The following PDZD2 variants were observed in gnomAD, a reference collection of about 807,000 sequenced individuals.
PDZD2 encodes the protein PDZ domain-containing protein 2.
PDZD2 carries 90 observed loss-of-function variants against 220.7 expected under a neutral mutation model. The observed-to-expected ratio is 0.41, with a 90% CI of 0.34 to 0.49. PDZD2 has a LOEUF of 0.49. Among genes scored for constraint, PDZD2 ranks in the 20% least tolerant of loss-of-function variants. The probability of loss-of-function intolerance (pLI) is 0.28; values close to 1 mark genes in which losing one functional copy is unlikely to be tolerated. For missense variants in PDZD2, 3,174 were observed against 3,608.5 expected (o/e 0.88, Z 3.08); for synonymous variants, 1,375 against 1,450.5 (o/e 0.95, Z 1.18).
rs1243197937 is a variant in PDZD2, at chr5:32,092,913, T to G, written c.7734T>G (p.Asp2578Glu). ...PFRRSWSVNL[D>E]QLLVSAGDQQ... is the part of the protein sequence containing the mutation. ...ATATATTTATATTATTTAGTTTGGA[T>G]CAACTTCTAGTCTCAGCGGGGGACC... The change falls in exon 21 of 25, where the codon GAT becomes GAG. Residue 2578 changes from aspartate to glutamate, a missense_variant. Physicochemically the swap from Asp to Glu is conservative, Grantham distance 45 (BLOSUM62 2). This residue lies in a region of PDZD2 where 631 missense variants were observed against 789.9 expected (regional missense o/e 0.80). Transcript: ENST00000438447. 2.0e-6 allele frequency: 3 copies of G among 1,529,818 alleles called. No individual in the cohort carries two copies. The highest frequency in any genetic ancestry group is 2.7e-6 in the Non-Finnish European group (3 of 1,109,718). The allele number at this position is 1,529,818 out of a possible 1,614,324, so 94.8% of individuals were successfully genotyped here.
chr5:32,032,441 C>T (rs182639142), intron 6 of PDZD2, among the ~76,000 whole-genome samples: 1 of 152,280 alleles, frequency 6.6e-6, no homozygotes, highest in East Asian at 1.9e-4. Flanking sequence ...CCACTGCTTC[C>T]GCCTTCATGC....
intron 4 of PDZD2, among the ~76,000 whole-genome samples, chr5:31,999,593 C>T (rs1486600371): frequency 1.3e-5 from 2 of 152,098 alleles, no homozygotes; most frequent in African/African-American, 2.4e-5. Flanking sequence ...CCCTCTGGGA[C>T]CTGTAACTCT....
At chr5:31,937,597 G>A (rs1281591827) in intron 2 of PDZD2, among the ~76,000 whole-genome samples, 1 of 152,324 alleles carries the variant, frequency 6.6e-6, no homozygotes, top group East Asian at 1.9e-4. Context: ...AGTCAAGCAA[G>A]CCCACACATC....
intron 2 of PDZD2, among the ~76,000 whole-genome samples, chr5:31,831,375 G>C (rs1756573719): frequency 6.6e-6 from 1 of 152,082 alleles, no homozygotes; most frequent in Non-Finnish European, 1.5e-5. Flanking sequence ...CAGCACTTTG[G>C]GAGGCCGAGG....
chr5:31,725,931 G>A, intron 1 of PDZD2: 2 of 672,120 alleles, frequency 3.0e-6, no homozygotes, highest in Non-Finnish European at 5.3e-6. Context: ...AGCTGCCTGG[G>A]TCTCCACTCT....
At chr5:31,769,194 C>A (rs1268154218) in intron 1 of PDZD2, among the ~76,000 whole-genome samples, 1 of 151,644 alleles carries the variant, frequency 6.6e-6, no homozygotes, top group Admixed American at 6.6e-5. Context: ...TGTGTAGGTC[C>A]GTACTGACCA....
chr5:31,759,434 C>T (rs548401155), intron 1 of PDZD2, among the ~76,000 whole-genome samples: 81 of 152,216 alleles, frequency 5.3e-4, no homozygotes, highest in African/African-American at 1.9e-3. Flanking sequence ...ACATGTGGCC[C>T]ATGGAACATT....
At chr5:31,765,340 C>T (rs1751937606) in intron 1 of PDZD2, among the ~76,000 whole-genome samples, 1 of 152,178 alleles carries the variant, frequency 6.6e-6, no homozygotes, top group Non-Finnish European at 1.5e-5. Flanking sequence ...GGTGACCACA[C>T]TTCCCTCTAG....
chr5:31,819,384 T>C (rs2042961), intron 2 of PDZD2, among the ~76,000 whole-genome samples: 85,032 of 151,880 alleles, frequency 0.56, 24,151 homozygotes, highest in Non-Finnish European at 0.61. Flanking sequence ...GGGCTGGGTG[T>C]GGTGGCCCAC....
intron 2 of PDZD2, among the ~76,000 whole-genome samples, chr5:31,914,998 C>T (rs905972437): frequency 2.0e-5 from 3 of 152,142 alleles, no homozygotes; most frequent in African/African-American, 4.8e-5. Flanking sequence ...GTGGTGAAAA[C>T]GTGTACCTAG....
intron 1 of PDZD2, among the ~76,000 whole-genome samples, chr5:31,696,286 G>A: frequency 6.6e-6 from 1 of 152,116 alleles, no homozygotes; most frequent in Non-Finnish European, 1.5e-5. Flanking sequence ...TTTACTATGG[G>A]AGGAGTTCTT....
Position 31,875,584 on chromosome 5 carries a change from CA to C in PDZD2, c.476+75874del, listed in dbSNP as rs1217406870. ...CTAGGTGACAGAGTGAGACCCTGTT[CA>C]AAAAAAAAAAAAATATATATATATA... On this transcript the variant is annotated intron_variant, in intron 2 of 24. Transcript: ENST00000438447. Among the ~76,000 whole-genome samples the C allele has an allele frequency of 7.6e-4, 82 of 107,998 alleles. 1 individual carries two copies. The highest frequency in any genetic ancestry group is 1.1e-3 in the South Asian group (4 of 3,682). 70.9% of individuals were successfully genotyped at this position (107,998 alleles called of 152,430 possible). A position where few individuals can be genotyped will look rare whatever the true frequency, so the allele number is the denominator to read the frequency against.
In PDZD2 at chr5:32,108,336, G is replaced by A. The variant is rs781337782; in HGVS notation, c.*201G>A. The A allele has an allele frequency of 9.5e-5, 39 of 409,572 alleles. No individual in the cohort carries two copies. The highest frequency in any genetic ancestry group is 6.3e-4 in the Middle Eastern group (1 of 1,576). 25.4% of individuals were successfully genotyped at this position (409,572 alleles called of 1,614,324 possible). A position where few individuals can be genotyped will look rare whatever the true frequency, so the allele number is the denominator to read the frequency against. On this transcript the variant is annotated 3_prime_UTR_variant, in exon 25 of 25. Transcript: ENST00000438447. ...TTAACTCCAGAAGCCTTCCACCTGC[G>A]TCACCCAGGCCGGGAGGGTTCCTTC...
intron 2 of PDZD2, among the ~76,000 whole-genome samples, chr5:31,914,862 G>A (rs1229437511): frequency 2.0e-5 from 3 of 152,156 alleles, no homozygotes; most frequent in Non-Finnish European, 4.4e-5. Context: ...CTTAGCAGCC[G>A]CAGTAATTCT....
In PDZD2 at chr5:31,792,071, C is replaced by T. The variant is rs117460843; in HGVS notation, c.-360-6818C>T. Among the ~76,000 whole-genome samples the T allele has an allele frequency of 7.5e-4, 114 of 152,312 alleles. 3 individuals are homozygous for T. In the East Asian group the frequency reaches 0.019, roughly 26 times the overall value. On this transcript the variant is annotated intron_variant, in intron 1 of 24. Transcript: ENST00000438447. ...AACTATGTTGTATAGCTATCCATAC[C>T]TGCAAGAGAGACTGCATTTTAGTTT...
intron 3 of PDZD2, among the ~76,000 whole-genome samples, chr5:31,988,051 C>T (rs1750852382): frequency 6.6e-6 from 1 of 152,226 alleles, no homozygotes; most frequent in Admixed American, 6.5e-5. Context: ...TACTCCCCTA[C>T]CCGGGACATC....
At chr5:31,972,187 C>G (rs1003136069) in intron 2 of PDZD2, among the ~76,000 whole-genome samples, 6 of 152,196 alleles carry the variant, frequency 3.9e-5, no homozygotes, top group Admixed American at 2.0e-4. Flanking sequence ...AGTCTTGGTT[C>G]ACTACAGCCT....
chr5:31,811,092 ATTC>A (rs1240357389), intron 2 of PDZD2, among the ~76,000 whole-genome samples: 1 of 152,286 alleles, frequency 6.6e-6, no homozygotes, highest in East Asian at 1.9e-4. Context: ...GCTTCAAGCA[ATTC>A]TTCTGCCTCC....
At chr5:31,692,270 C>T (rs1019630152) in intron 1 of PDZD2, among the ~76,000 whole-genome samples, 2 of 152,200 alleles carry the variant, frequency 1.3e-5, no homozygotes, top group Admixed American at 6.5e-5. Context: ...GCGGGGTCCG[C>T]GGAGCCTACG....
Sources: allele counts gnomAD v4.1 joint callset (sites outside exome capture counted in the v4.1 genomes callset), GRCh38; gene constraint gnomAD v4.1.1; regional missense constraint gnomAD v4.1.1; transcripts MANE v1.5; gene names NCBI Gene and HGNC (gene_info 2026-07-23, HGNC 2026-07-21).